CCDC85C: variants seen among roughly 807,000 people sequenced by gnomAD.
The protein encoded by CCDC85C is coiled-coil domain-containing protein 85C.
A neutral mutation model predicts 38.3 loss-of-function variants in CCDC85C; 18 were observed. The ratio of observed to expected loss-of-function variants is 0.47; its 90% CI spans 0.33 to 0.70. CCDC85C has a LOEUF of 0.70. Ranked by LOEUF, CCDC85C falls within the 30% of genes least tolerant of loss-of-function variation. CCDC85C has a pLI of 0.03. For synonymous variants in CCDC85C, 264 were observed against 293.8 expected (o/e 0.90, Z 1.04); for missense variants, 566 against 621.2 (o/e 0.91, Z 0.94).
At chr14:99,562,750 C>T (rs1267524507) in intron 1 of CCDC85C, among the ~76,000 whole-genome samples, 1 of 101,068 alleles carries the variant, frequency 9.9e-6, no homozygotes, top group Admixed American at 1.0e-4. Context: ...CACACACATG[C>T]ATGCACACAC....
chr14:99,518,854 G>A (rs190684793), intron 3 of CCDC85C, among the ~76,000 whole-genome samples: 1 of 152,302 alleles, frequency 6.6e-6, no homozygotes, highest in Admixed American at 6.5e-5. Context: ...GCCTCACTGG[G>A]CAGTGGTGGG....
chr14:99,552,636 G>C (rs1311730224), intron 1 of CCDC85C, among the ~76,000 whole-genome samples: 1 of 152,160 alleles, frequency 6.6e-6, no homozygotes, highest in East Asian at 1.9e-4. Context: ...GCTGTCTGAG[G>C]TGTGGGAGGG....
Position 99,507,256 on chromosome 14 carries a change from T to C in CCDC85C, c.*7990A>G, listed in dbSNP as rs1393411270. ...GGGAGACTGGGGCCCAGATTGACAA[T>C]GTCAGCCACAGGCAGGAATCTTTGC... is the stretch of plus-strand genomic sequence containing the variant. On this transcript the variant is annotated 3_prime_UTR_variant, in exon 6 of 6. Transcript: ENST00000380243. 4 of 770,682 alleles carry C rather than the reference T, an allele frequency of 5.2e-6. No homozygotes were observed. The highest frequency in any genetic ancestry group is 9.3e-6 in the Non-Finnish European group (4 of 427,888). 47.7% of individuals were successfully genotyped at this position (770,682 alleles called of 1,614,324 possible).
At chr14:99,515,531 A>C (rs993412861) in intron 5 of CCDC85C, among the ~76,000 whole-genome samples, 196 bp from the exon 6 acceptor site, 1 of 152,222 alleles carries the variant, frequency 6.6e-6, no homozygotes, top group African/African-American at 2.4e-5. Context: ...GGGCCTGAGC[A>C]GGTCACTGCT....
In CCDC85C at chr14:99,604,087, C is replaced by G; in HGVS notation, c.-128G>C. Reference sequence around the variant, plus strand: ...GGGGCGCGTGCGGCCCGCCCCGCGCCGCCTGGCGCGTCCTCTCGCCGCGCC... The same window carrying G: ...GGGGCGCGTGCGGCCCGCCCCGCGCGGCCTGGCGCGTCCTCTCGCCGCGCC... On this transcript the variant is annotated 5_prime_UTR_variant, in exon 1 of 6. Transcript: ENST00000380243. 3 of 934,848 alleles carry G rather than the reference C, an allele frequency of 3.2e-6. No individual in the cohort carries two copies. The highest frequency in any genetic ancestry group is 3.8e-6 in the Non-Finnish European group (3 of 787,696). 57.9% of individuals were successfully genotyped at this position (934,848 alleles called of 1,614,324 possible).
At chr14:99,528,209 C>A (rs931853783) in intron 2 of CCDC85C, among the ~76,000 whole-genome samples, 2 of 152,164 alleles carry the variant, frequency 1.3e-5, no homozygotes, top group Non-Finnish European at 2.9e-5. Flanking sequence ...TCCCACCAGG[C>A]AGCTCTACCT....
In CCDC85C at chr14:99,527,184, C is replaced by T. The variant is rs563850333; in HGVS notation, c.868-4944G>A. Among the ~76,000 whole-genome samples the T allele has an allele frequency of 9.2e-5, 14 of 152,330 alleles. No individual in the cohort carries two copies. The South Asian group carries it at 2.9e-3, about 32-fold the overall frequency. The stretch of plus-strand genomic sequence containing the variant: ...GTCCGTCAGTCATGCCTGTGGGCTG[C>T]TCTGGAAGGGGAGGTAGACTTGGCA... On this transcript the variant is annotated intron_variant, in intron 2 of 5. Coordinates refer to ENST00000380243, the MANE Select transcript of CCDC85C (RefSeq NM_001144995.2).
At chr14:99,568,060 G>A (rs1898253263) in intron 1 of CCDC85C, among the ~76,000 whole-genome samples, 1 of 152,026 alleles carries the variant, frequency 6.6e-6, no homozygotes, top group African/African-American at 2.4e-5. Context: ...AGACTCCAGG[G>A]CACTGGTCCC....
chr14:99,515,521 G>A (rs11621993), intron 5 of CCDC85C, among the ~76,000 whole-genome samples, 186 bp from the exon 6 acceptor site: 70,265 of 152,108 alleles, frequency 0.46, 17,912 homozygotes, highest in Middle Eastern at 0.6. Flanking sequence ...GCTAACTATC[G>A]GGCCTGAGCA....
At chr14:99,552,149 C>T (rs973205707) in intron 1 of CCDC85C, among the ~76,000 whole-genome samples, 7 of 152,180 alleles carry the variant, frequency 4.6e-5, no homozygotes, top group Admixed American at 3.3e-4. Flanking sequence ...CTCCCAGGCC[C>T]GGCTAGCCTG....
intron 2 of CCDC85C, among the ~76,000 whole-genome samples, chr14:99,523,928 T>G (rs1595340503): frequency 1.4e-5 from 2 of 140,804 alleles, no homozygotes; most frequent in African/African-American, 2.7e-5. Flanking sequence ...GAAAGCCCCC[T>G]CCCCACCCAC....
At position 99,515,080 on chromosome 14, in the gene CCDC85C, T is replaced by C; in HGVS notation, c.*166A>G. 2 of 564,540 alleles carry C rather than the reference T, an allele frequency of 3.5e-6. No homozygotes were observed. Among genetic ancestry groups the C allele is most frequent in the Admixed American group, 3.3e-5 (1 of 30,614 alleles). The allele number at this position is 564,540 out of a possible 1,614,324, so 35.0% of individuals were successfully genotyped here. A position where few individuals can be genotyped will look rare whatever the true frequency, so the allele number is the denominator to read the frequency against. On this transcript the variant is annotated 3_prime_UTR_variant, in exon 6 of 6. Coordinates refer to ENST00000380243, the MANE Select transcript of CCDC85C (RefSeq NM_001144995.2). ...GGCGGGAGATGGCGGCTTGGGCCAG[T>C]GCATCGGACCCATGGCAGCTGGGCC... is the stretch of plus-strand genomic sequence containing the variant.
intron 1 of CCDC85C, among the ~76,000 whole-genome samples, chr14:99,547,345 G>GT (rs1897825948): frequency 1.3e-5 from 2 of 152,172 alleles, no homozygotes; most frequent in Admixed American, 6.5e-5. Context: ...TAGATGAGTA[G>GT]TTTCCAGGGG....
chr14:99,561,565 G>A lies in CCDC85C; in HGVS notation c.794-25477C>T, dbSNP rs1420100909. On this transcript the variant is annotated intron_variant, in intron 1 of 5. Coordinates refer to ENST00000380243, the MANE Select transcript of CCDC85C (RefSeq NM_001144995.2). Reference sequence around the variant, plus strand: ...ATTACTGTCCTTTGTTGGGCACCAGGGGCGGGCGCCATGCAGTGGCTCCTG... The same window carrying A: ...ATTACTGTCCTTTGTTGGGCACCAGAGGCGGGCGCCATGCAGTGGCTCCTG... Among the ~76,000 whole-genome samples the A allele has an allele frequency of 2.6e-5, 4 of 152,204 alleles. No homozygotes were observed. The East Asian group carries it at 5.8e-4, about 22-fold the overall frequency.
Position 99,504,544 on chromosome 14 carries a change from G to A in CCDC85C, c.*10702C>T, listed in dbSNP as rs1896925733. The A allele has an allele frequency of 2.0e-5, 3 of 151,070 alleles. No individual in the cohort carries two copies. The South Asian group carries it at 6.3e-4, about 31-fold the overall frequency. The allele number at this position is 151,070 out of a possible 1,614,324, so 9.4% of individuals were successfully genotyped here. On this transcript the variant is annotated 3_prime_UTR_variant, in exon 6 of 6. Coordinates refer to ENST00000380243, the MANE Select transcript of CCDC85C (RefSeq NM_001144995.2). ...TAACTCACCACAACCTCCGCCTCCTGGGTTCAAGCAATTCTCCTGCCTCAG... is the reference window on the plus strand; with the variant it reads ...TAACTCACCACAACCTCCGCCTCCTAGGTTCAAGCAATTCTCCTGCCTCAG...
rs183664804 is a variant in CCDC85C at position 99,548,306 on chromosome 14, C to T, written c.794-12218G>A. 4.6e-5 allele frequency among the ~76,000 whole-genome samples: 7 copies of T among 152,234 alleles called. No homozygotes were observed. Among genetic ancestry groups the T allele is most frequent in the Non-Finnish European group, 7.4e-5 (5 of 68,026 alleles). ...GATAGCCAAGAAGTCTGTGAGGAGA[C>T]GCCCAACCGCAGGTGTCATCAAGGA... On this transcript the variant is annotated intron_variant, in intron 1 of 5. Transcript: ENST00000380243. The surrounding 1 kb of genome is among the most constrained non-coding windows in gnomAD (Gnocchi z 4.9).
At chr14:99,556,987 C>A (rs2139944424) in intron 1 of CCDC85C, among the ~76,000 whole-genome samples, 1 of 151,680 alleles carries the variant, frequency 6.6e-6, no homozygotes, top group South Asian at 2.1e-4. Context: ...AATGCTATAT[C>A]AGCACCTTTT....
At chr14:99,579,720 G>C (rs1411558049) in intron 1 of CCDC85C, among the ~76,000 whole-genome samples, 1 of 152,158 alleles carries the variant, frequency 6.6e-6, no homozygotes, top group African/African-American at 2.4e-5. Context: ...GGGCAGGCCT[G>C]GGGGAGTCCA....
At chr14:99,582,764 A>C (rs1397991934) in intron 1 of CCDC85C, among the ~76,000 whole-genome samples, 1 of 152,172 alleles carries the variant, frequency 6.6e-6, no homozygotes, top group East Asian at 1.9e-4. Flanking sequence ...CAGTGAGCTG[A>C]GATTGCGCCT....
Sources: gnomAD v4.1 joint callset for allele counts (sites outside exome capture counted in the v4.1 genomes callset) on GRCh38, gnomAD v4.1.1 for gene constraint, Gnocchi (gnomAD v3.1) non-coding constraint, MANE v1.5 for transcripts, NCBI Gene and HGNC (gene_info 2026-07-23, HGNC 2026-07-21) for gene names.